Variants in PRKCB observed in about 807,000 individuals in gnomAD.
The protein encoded by PRKCB is protein kinase C beta type.
PRKCB carries 13 observed loss-of-function variants against 81.5 expected under a neutral mutation model. The ratio of observed to expected loss-of-function variants is 0.16; its 90% CI spans 0.10 to 0.25. PRKCB has a LOEUF of 0.25. Among genes scored for constraint, PRKCB ranks in the 10% least tolerant of loss-of-function variants. The pLI is 1.00. For synonymous variants in PRKCB, 335 were observed against 321.4 expected (o/e 1.04, Z -0.45); for missense variants, 509 against 875.7 (o/e 0.58, Z 5.29).
At chr16:23,883,677 A>C (rs1963157342) in intron 2 of PRKCB, among the ~76,000 whole-genome samples, 1 of 152,208 alleles carries the variant, frequency 6.6e-6, no homozygotes, top group African/African-American at 2.4e-5. Context: ...AGGGAGAGAC[A>C]CAGGCAGATT....
intron 15 of PRKCB, among the ~76,000 whole-genome samples, chr16:24,190,061 G>A (rs888940144): frequency 2.0e-5 from 3 of 152,098 alleles, no homozygotes; most frequent in African/African-American, 4.8e-5. Context: ...TCATCTTGGC[G>A]CATCTATTCA....
chr16:24,137,768 C>CAACA (rs1966869944), intron 9 of PRKCB, among the ~76,000 whole-genome samples: 1 of 152,176 alleles, frequency 6.6e-6, no homozygotes, highest in Non-Finnish European at 1.5e-5. Flanking sequence ...TTCTATAATA[C>CAACA]AACAAACATA....
intron 2 of PRKCB, among the ~76,000 whole-genome samples, chr16:23,914,329 G>A (rs1340884245): frequency 1.3e-5 from 2 of 152,172 alleles, no homozygotes; most frequent in Non-Finnish European, 2.9e-5. Flanking sequence ...TCAACACAGT[G>A]GGGCCAGTAC....
At chr16:23,946,547 G>C (rs1964205574) in intron 2 of PRKCB, among the ~76,000 whole-genome samples, 1 of 152,174 alleles carries the variant, frequency 6.6e-6, no homozygotes, top group African/African-American at 2.4e-5. Context: ...GGGTTGTTAA[G>C]ATTTAATGAG....
intron 5 of PRKCB, among the ~76,000 whole-genome samples, chr16:24,071,972 C>G (rs1966113555): frequency 6.6e-6 from 1 of 152,032 alleles, no homozygotes; most frequent in Non-Finnish European, 1.5e-5. Flanking sequence ...CATGAGGGTG[C>G]CCAATTCAGT....
intron 2 of PRKCB, among the ~76,000 whole-genome samples, chr16:23,882,129 G>T (rs1230036384): frequency 6.8e-6 from 1 of 146,642 alleles, no homozygotes; most frequent in African/African-American, 2.5e-5. Context: ...GGCCAGGCTG[G>T]AGTGCAGTGG....
chr16:24,078,587 T>C (rs1391260841), intron 5 of PRKCB, among the ~76,000 whole-genome samples: 4 of 152,196 alleles, frequency 2.6e-5, no homozygotes, highest in Non-Finnish European at 4.4e-5. Flanking sequence ...TCCATCTGCA[T>C]CAAGCCCTGA....
rs1322926161 is a variant in PRKCB, at chr16:24,096,661, AAAAAAATATATAT to A, written c.821+2366_821+2378del. ...TGCTCCCTTCCTATGGCAAAAAAAA[AAAAAAATATATAT>A]ATATATATATATATATATATATATA... On this transcript the variant is annotated intron_variant, in intron 7 of 16. Transcript: ENST00000643927. Among the ~76,000 whole-genome samples, 44 of 49,232 alleles carry A rather than the reference AAAAAAATATATAT, an allele frequency of 8.9e-4. 3 individuals carry two copies. In the East Asian group the frequency reaches 0.019, roughly 21 times the overall value. 32.3% of individuals were successfully genotyped at this position (49,232 alleles called of 152,430 possible).
intron 2 of PRKCB, among the ~76,000 whole-genome samples, chr16:23,951,085 G>C (rs550464632): frequency 6.6e-6 from 1 of 152,276 alleles, no homozygotes; most frequent in Non-Finnish European, 1.5e-5. Context: ...TCAGATATGC[G>C]GCATTACTTT....
At chr16:24,095,741 C>T (rs1195342935) in intron 7 of PRKCB, among the ~76,000 whole-genome samples, 3 of 151,750 alleles carry the variant, frequency 2.0e-5, no homozygotes, top group Admixed American at 6.6e-5. Context: ...GTTAGGTTGG[C>T]GGTCTGGTCG....
At chr16:24,199,243 A>C (rs183138162) in intron 16 of PRKCB, among the ~76,000 whole-genome samples, 1 of 152,356 alleles carries the variant, frequency 6.6e-6, no homozygotes, top group East Asian at 1.9e-4. Context: ...TCATACTCAC[A>C]GGACTTGGTT....
intron 2 of PRKCB, among the ~76,000 whole-genome samples, chr16:23,875,895 G>A (rs143477046): frequency 3.7e-4 from 57 of 152,152 alleles, no homozygotes; most frequent in East Asian, 3.3e-3. Flanking sequence ...AAAAAGTGTC[G>A]TAACTGACAG....
intron 2 of PRKCB, among the ~76,000 whole-genome samples, chr16:23,985,619 C>A (rs1183051010): frequency 6.6e-6 from 1 of 152,150 alleles, no homozygotes; most frequent in Non-Finnish European, 1.5e-5. Flanking sequence ...CTAAATTTAA[C>A]ACAATTTCAA....
chr16:24,039,402 T>C (rs983459449), intron 5 of PRKCB, among the ~76,000 whole-genome samples: 2 of 152,010 alleles, frequency 1.3e-5, no homozygotes, highest in South Asian at 4.2e-4. Context: ...CTGATTTTTT[T>C]TATTTTTAGT....
chr16:23,882,050 C>CTTCCTTCCTTCCTTCT, intron 2 of PRKCB, among the ~76,000 whole-genome samples: 1 of 86,724 alleles, frequency 1.2e-5, no homozygotes, highest in East Asian at 4.1e-4. Flanking sequence ...TCCTTCCTTC[C>CTTCCTTCCTTCCTTCT]TTCCTTCTTC....
rs75341629 is a variant in PRKCB at position 23,960,107 on chromosome 16, G to A, written c.206-28401G>A. Among the ~76,000 whole-genome samples, 285 of 152,250 alleles carry A rather than the reference G, an allele frequency of 1.9e-3. 1 individual carries two copies. Among genetic ancestry groups the A allele is most frequent in the African/African-American group, 6.7e-3 (278 of 41,538 alleles). On this transcript the variant is annotated intron_variant, in intron 2 of 16. Transcript: ENST00000643927. ...AGGGATGGTGCAGGAGAGAGGAGAG[G>A]ATGATTAATGTCCCCCAGGGCCCAT... is the stretch of plus-strand genomic sequence containing the variant.
chr16:24,120,868 G>A (rs150024050), intron 8 of PRKCB, among the ~76,000 whole-genome samples: 6,962 of 152,114 alleles, frequency 0.046, 536 homozygotes, highest in African/African-American at 0.16. Flanking sequence ...CGCGTAGCTG[G>A]GACTACAGGC....
At chr16:24,110,243 G>A (rs1367746700) in intron 7 of PRKCB, among the ~76,000 whole-genome samples, 3 of 151,376 alleles carry the variant, frequency 2.0e-5, no homozygotes, top group African/African-American at 2.4e-5. Context: ...ACGGTGTCTC[G>A]CTCTGTTGCC....
intron 5 of PRKCB, among the ~76,000 whole-genome samples, chr16:24,085,844 G>A (rs1039739461): frequency 6.6e-6 from 1 of 152,190 alleles, no homozygotes; most frequent in Non-Finnish European, 1.5e-5. Flanking sequence ...GCTGTGGCTT[G>A]ACAGGCTCTC....
Sources: allele counts gnomAD v4.1 joint callset (sites outside exome capture counted in the v4.1 genomes callset), GRCh38; gene constraint gnomAD v4.1.1; transcripts MANE v1.5; gene names NCBI Gene and HGNC (gene_info 2026-07-23, HGNC 2026-07-21).